NKAIN2: variants seen among roughly 807,000 people sequenced by gnomAD.
The protein encoded by NKAIN2 is sodium/potassium-transporting ATPase subunit beta-1-interacting protein 2.
NKAIN2 carries 14 observed loss-of-function variants against 32.6 expected under a neutral mutation model. That is an observed-to-expected ratio of 0.43 (90% CI 0.28 to 0.67). NKAIN2 has a LOEUF of 0.67. NKAIN2 is among the 30% of genes least tolerant of loss of function. The pLI is 0.17. For synonymous variants in NKAIN2, 80 were observed against 87.2 expected (o/e 0.92, Z 0.46); for missense variants, 198 against 258.3 (o/e 0.77, Z 1.60).
intron 3 of NKAIN2, among the ~76,000 whole-genome samples, chr6:124,482,169 T>C (rs530336538): frequency 6.6e-6 from 1 of 152,312 alleles, no homozygotes; most frequent in East Asian, 1.9e-4. Flanking sequence ...ATTGGATTTA[T>C]AATGAGTATG....
chr6:124,293,589 C>G (rs1795915514), intron 2 of NKAIN2, among the ~76,000 whole-genome samples: 1 of 152,062 alleles, frequency 6.6e-6, no homozygotes, highest in African/African-American at 2.4e-5. Context: ...ATCTTTTCTA[C>G]AATAATTGAT....
intron 2 of NKAIN2, among the ~76,000 whole-genome samples, chr6:124,290,206 C>A (rs1795737104): frequency 6.6e-6 from 1 of 151,970 alleles, no homozygotes; most frequent in Non-Finnish European, 1.5e-5. Context: ...ATACTTTGTG[C>A]CCTCATTTTG....
At chr6:124,659,006 A>G (rs1583597143) in intron 4 of NKAIN2, 1 of 152,516 alleles carries the variant, frequency 6.6e-6, no homozygotes, top group South Asian at 2.1e-4. Flanking sequence ...AGCACTTACA[A>G]ATAACATATG....
chr6:124,401,541 T>C (rs7755719), intron 3 of NKAIN2, among the ~76,000 whole-genome samples: 6,794 of 152,184 alleles, frequency 0.045, 211 homozygotes, highest in African/African-American at 0.076. Context: ...CCTTGACACT[T>C]CACGGAAAAA....
chr6:124,711,440 T>G (rs538569258), intron 4 of NKAIN2, among the ~76,000 whole-genome samples: 1 of 150,700 alleles, frequency 6.6e-6, no homozygotes, highest in East Asian at 1.9e-4. Flanking sequence ...ATTCTCCCCA[T>G]CACTTTCAGG....
Position 124,728,928 on chromosome 6 carries a change from A to C in NKAIN2, c.475-62411A>C, listed in dbSNP as rs1776492331. On this transcript the variant is annotated intron_variant, in intron 4 of 6. Coordinates refer to ENST00000368417, the MANE Select transcript of NKAIN2 (RefSeq NM_001040214.3). ...ACTACCATCAGAGAATACTACAAACACCTCTACGCAAATAAACTAGAAAAT... is the reference window on the plus strand; with the variant it reads ...ACTACCATCAGAGAATACTACAAACCCCTCTACGCAAATAAACTAGAAAAT... 6.0e-5 allele frequency among the ~76,000 whole-genome samples: 9 copies of C among 150,594 alleles called. No homozygotes were observed. In the South Asian group the frequency reaches 1.9e-3, roughly 32 times the overall value.
At chr6:124,580,400 A>G (rs1293746769) in intron 3 of NKAIN2, among the ~76,000 whole-genome samples, 1 of 152,194 alleles carries the variant, frequency 6.6e-6, no homozygotes, top group Non-Finnish European at 1.5e-5. Context: ...TTGTTCATCT[A>G]TTAGTTGTTA....
chr6:124,543,473 A>G (rs1779981227), intron 3 of NKAIN2, among the ~76,000 whole-genome samples: 1 of 152,170 alleles, frequency 6.6e-6, no homozygotes, highest in Admixed American at 6.5e-5. Flanking sequence ...CACTGTATCA[A>G]TCTATGACCC....
intron 4 of NKAIN2, among the ~76,000 whole-genome samples, chr6:124,737,217 G>A (rs527722846): frequency 6.6e-6 from 1 of 151,976 alleles, no homozygotes; most frequent in Non-Finnish European, 1.5e-5. Flanking sequence ...CATGTGTCAT[G>A]GGAAGGATGC....
chr6:124,703,020 T>C (rs1276963162), intron 4 of NKAIN2, among the ~76,000 whole-genome samples: 4 of 152,162 alleles, frequency 2.6e-5, no homozygotes, highest in Non-Finnish European at 5.9e-5. Context: ...ATGTGCTGGA[T>C]AGAGTAAAAG....
intron 1 of NKAIN2, among the ~76,000 whole-genome samples, chr6:124,060,468 G>T (rs936230268): frequency 1.3e-5 from 2 of 152,150 alleles, no homozygotes; most frequent in African/African-American, 4.8e-5. Context: ...ACAGGTTGGG[G>T]CAGTGAAGTC....
chr6:124,719,024 T>A (rs1775895296), intron 4 of NKAIN2, among the ~76,000 whole-genome samples: 3 of 152,180 alleles, frequency 2.0e-5, no homozygotes, highest in Admixed American at 2.0e-4. Context: ...AAATAATACT[T>A]ATGAGTTTAA....
chr6:123,909,519 C>T (rs147364598), intron 1 of NKAIN2, among the ~76,000 whole-genome samples: 3 of 152,142 alleles, frequency 2.0e-5, no homozygotes, highest in South Asian at 2.1e-4. Context: ...ACCTACATTC[C>T]GTCCCTTGAA....
intron 3 of NKAIN2, among the ~76,000 whole-genome samples, chr6:124,437,544 C>G (rs1403567299): frequency 6.6e-6 from 1 of 152,074 alleles, no homozygotes; most frequent in Non-Finnish European, 1.5e-5. Flanking sequence ...TCTCCTGCTT[C>G]TCTTTCTTCT....
intron 1 of NKAIN2, among the ~76,000 whole-genome samples, chr6:123,858,146 C>T (rs1033090337): frequency 2.7e-5 from 4 of 150,562 alleles, no homozygotes; most frequent in Admixed American, 2.0e-4. Context: ...GAGGGATACT[C>T]GCTCTGTCGC....
intron 1 of NKAIN2, among the ~76,000 whole-genome samples, chr6:124,224,439 C>A (rs2689893): frequency 0.69 from 105,342 of 151,950 alleles, 36,769 homozygotes; most frequent in South Asian, 0.76. Context: ...AAGACATTCA[C>A]ATCCTCTAAG....
intron 1 of NKAIN2, among the ~76,000 whole-genome samples, chr6:123,810,227 C>T (rs184520919): frequency 1.3e-5 from 2 of 152,226 alleles, no homozygotes; most frequent in East Asian, 1.9e-4. Flanking sequence ...GGATTCAAAC[C>T]CGGGTCTGTC....
chr6:124,266,820 A>T (rs751229152), intron 1 of NKAIN2, among the ~76,000 whole-genome samples: 3 of 152,208 alleles, frequency 2.0e-5, no homozygotes, highest in Non-Finnish European at 4.4e-5. Context: ...CAGTGCATGG[A>T]TATAGATATA....
intron 4 of NKAIN2, among the ~76,000 whole-genome samples, chr6:124,699,214 T>G (rs772974241): frequency 6.6e-6 from 1 of 152,172 alleles, no homozygotes; most frequent in African/African-American, 2.4e-5. Flanking sequence ...GGAAGTCATG[T>G]GGACTGAGCA....
Sources: allele counts gnomAD v4.1 joint callset (sites outside exome capture counted in the v4.1 genomes callset), GRCh38; gene constraint gnomAD v4.1.1; transcripts MANE v1.5; gene names NCBI Gene and HGNC (gene_info 2026-07-23, HGNC 2026-07-21).